Variants in RAP1GAP2 observed in about 807,000 individuals in gnomAD.
RAP1GAP2 encodes the protein rap1 GTPase-activating protein 2.
In RAP1GAP2, 27 loss-of-function variants were observed where a neutral mutation model predicts 95.0. The observed-to-expected ratio is 0.28, with a 90% CI of 0.21 to 0.39. The LOEUF (loss-of-function observed/expected upper bound fraction) is 0.39. Ranked by LOEUF, RAP1GAP2 falls within the 10% of genes least tolerant of loss-of-function variation. The pLI is 1.00. For missense variants in RAP1GAP2, 771 were observed against 970.0 expected, an observed-to-expected ratio of 0.79 and a Z score of 2.72; for synonymous variants, 373 against 380.9, an observed-to-expected ratio of 0.98 and a Z score of 0.24.
intron 8 of RAP1GAP2, among the ~76,000 whole-genome samples, chr17:2,970,555 A>G (rs1410143516): frequency 2.0e-5 from 3 of 152,280 alleles, no homozygotes; most frequent in Admixed American, 2.0e-4. Context: ...AGTAGAATGT[A>G]TTGTCAAACA....
chr17:2,889,378 G>A (rs2073610010), intron 2 of RAP1GAP2, among the ~76,000 whole-genome samples: 1 of 152,160 alleles, frequency 6.6e-6, no homozygotes, highest in South Asian at 2.1e-4. Context: ...GCTGGGGCAG[G>A]CCAGTGGTCA....
rs142061001 is a variant in RAP1GAP2 at position 3,011,333 on chromosome 17, G to A, written c.1494+3188G>A. ...TCCCAAGCATGGAGGCCTGAGCTGG[G>A]GACAGGCCAGGCTCAGCCGAATGGA... is the stretch of plus-strand genomic sequence containing the variant. On this transcript the variant is annotated intron_variant, in intron 17 of 24. Coordinates refer to ENST00000254695, the MANE Select transcript of RAP1GAP2 (RefSeq NM_015085.5). Among the ~76,000 whole-genome samples the A allele has an allele frequency of 2.6e-3, 390 of 152,330 alleles. 2 individuals carry two copies. The highest frequency in any genetic ancestry group is 8.9e-3 in the African/African-American group (369 of 41,580).
chr17:2,874,239 C>T (rs548968856), intron 2 of RAP1GAP2, among the ~76,000 whole-genome samples: 36 of 152,304 alleles, frequency 2.4e-4, no homozygotes, highest in African/African-American at 8.2e-4. Context: ...TGGGTACACC[C>T]TCCCTCCCCT....
intron 3 of RAP1GAP2, among the ~76,000 whole-genome samples, chr17:2,945,366 C>G (rs2043664074): frequency 6.6e-6 from 1 of 152,094 alleles, no homozygotes. Flanking sequence ...TTTATCAGCT[C>G]TAGTAGATTT....
chr17:2,870,625 AC>A lies in RAP1GAP2; in HGVS notation c.81-34658del, dbSNP rs1597474986. 6.6e-6 allele frequency among the ~76,000 whole-genome samples: 1 copy of A among 152,168 alleles called. No homozygotes were observed. Among genetic ancestry groups the A allele is most frequent in the African/African-American group, 2.4e-5 (1 of 41,442 alleles). On this transcript the variant is annotated intron_variant, in intron 2 of 24. Coordinates refer to ENST00000254695, the MANE Select transcript of RAP1GAP2 (RefSeq NM_015085.5). The surrounding 1 kb of genome is among the most constrained non-coding windows in gnomAD (Gnocchi z 4.4). Reference sequence around the variant, plus strand: ...GCACACCCTTTCACGTAATATACTTACATCTGCATCTACGTCTGTTTCTCTG... The same window carrying A: ...GCACACCCTTTCACGTAATATACTTAATCTGCATCTACGTCTGTTTCTCTG...
intron 18 of RAP1GAP2, 115 bp from the exon 19 acceptor site, chr17:3,020,362 T>TA (rs1423336383): frequency 1.3e-6 from 1 of 775,340 alleles, no homozygotes; most frequent in Non-Finnish European, 2.2e-6. Flanking sequence ...GCTGTCTTGC[T>TA]ATTTTCTGGG....
intron 3 of RAP1GAP2, among the ~76,000 whole-genome samples, chr17:2,951,912 T>C (rs558725481): frequency 6.6e-6 from 1 of 152,126 alleles, no homozygotes; most frequent in Non-Finnish European, 1.5e-5. Flanking sequence ...TGGGCGCCTG[T>C]AGTCCCAGGT....
intron 2 of RAP1GAP2, among the ~76,000 whole-genome samples, chr17:2,838,386 C>T (rs184457604): frequency 2.6e-5 from 4 of 152,082 alleles, no homozygotes; most frequent in Non-Finnish European, 4.4e-5. Context: ...AGGCAGCTGG[C>T]GACATGCTGA....
At chr17:2,805,022 G>A (rs1008651048) in intron 2 of RAP1GAP2, among the ~76,000 whole-genome samples, 1 of 152,304 alleles carries the variant, frequency 6.6e-6, no homozygotes, top group Non-Finnish European at 1.5e-5. Context: ...ATGCATGGCT[G>A]TGTGAATGGA....
chr17:3,028,513 C>A (rs764789200), intron 22 of RAP1GAP2, among the ~76,000 whole-genome samples: 1 of 152,178 alleles, frequency 6.6e-6, no homozygotes, highest in Non-Finnish European at 1.5e-5. Flanking sequence ...GAAGGGCCAA[C>A]AGGCCTTCAG....
intron 2 of RAP1GAP2, among the ~76,000 whole-genome samples, chr17:2,881,893 T>C (rs1191605620): frequency 1.3e-5 from 2 of 152,208 alleles, no homozygotes; most frequent in African/African-American, 4.8e-5. Context: ...CAATCTCGGC[T>C]CACTGCAACC....
chr17:2,811,703 G>A (rs1351723299), intron 2 of RAP1GAP2, among the ~76,000 whole-genome samples: 2 of 152,044 alleles, frequency 1.3e-5, no homozygotes, highest in Admixed American at 6.6e-5. Context: ...TCAGTCTCCC[G>A]AGTAGCTGGG....
intron 23 of RAP1GAP2, among the ~76,000 whole-genome samples, 178 bp from the exon 24 acceptor site, chr17:3,032,233 C>A (rs1457988683): frequency 6.6e-6 from 1 of 151,852 alleles, no homozygotes; most frequent in African/African-American, 2.4e-5. Flanking sequence ...CCTTTCTGAG[C>A]TCGCCAGACT....
chr17:3,026,049 A>T lies in RAP1GAP2; in HGVS notation c.1793A>T (p.His598Leu), dbSNP rs1225625644. ...ACACCCAAGACCCCAGATGGTGGAC[A>T]CTCCTCTCAGGAGATAAAGTCTGAG... ...SSTPKTPDGG[H>L]SSQEIKSETS... The change falls in exon 20 of 25, where the codon CAC becomes CTC. Residue 598 changes from histidine to leucine, a missense_variant. By Grantham distance (99) the His-to-Leu change is moderately conservative. Coordinates refer to ENST00000254695, the MANE Select transcript of RAP1GAP2 (RefSeq NM_015085.5). 1.9e-6 allele frequency: 3 copies of T among 1,613,512 alleles called. No individual in the cohort carries two copies. Among genetic ancestry groups the T allele is most frequent in the South Asian group, 2.2e-5 (2 of 91,042 alleles).
Position 2,824,048 on chromosome 17 carries a change from G to A in RAP1GAP2, c.80+23498G>A, listed in dbSNP as rs1375701411. Among the ~76,000 whole-genome samples the A allele has an allele frequency of 2.0e-4, 30 of 150,700 alleles. 1 individual carries two copies. Among genetic ancestry groups the A allele is most frequent in the Admixed American group, 6.6e-5 (1 of 15,046 alleles). ...TGAGGCAGGAGAATGGCGTGAACCC[G>A]GGAGGCAGAGCTTGCAGTGAGCTGA... On this transcript the variant is annotated intron_variant, in intron 2 of 24. Coordinates refer to ENST00000254695, the MANE Select transcript of RAP1GAP2 (RefSeq NM_015085.5).
In RAP1GAP2 at chr17:3,030,999, G is replaced by A. The variant is rs781148260; in HGVS notation, c.2184+1G>A. The A allele has an allele frequency of 6.3e-7, 1 of 1,599,776 alleles. No homozygotes were observed. The highest frequency in any genetic ancestry group is 1.1e-5 in the South Asian group (1 of 88,946). On this transcript the variant is annotated splice_donor_variant, in intron 23 of 24. Coordinates refer to ENST00000254695, the MANE Select transcript of RAP1GAP2 (RefSeq NM_015085.5). LOFTEE classifies it high-confidence loss of function. ...GCTCAGCCATGCCAGCTCTGGTGCG[G>A]TAAGGATGCGCCTCCCACACCCCAC...
intron 3 of RAP1GAP2, among the ~76,000 whole-genome samples, chr17:2,924,848 A>G (rs2042900931): frequency 6.6e-6 from 1 of 152,182 alleles, no homozygotes; most frequent in Non-Finnish European, 1.5e-5. Flanking sequence ...CCTTCGCCAG[A>G]TGACCTGTGG....
chr17:2,880,388 A>G (rs1421817924), intron 2 of RAP1GAP2, among the ~76,000 whole-genome samples: 1 of 150,322 alleles, frequency 6.7e-6, no homozygotes, highest in East Asian at 1.9e-4. Context: ...TTTGAGCCAC[A>G]TGGTCATGGG....
intron 4 of RAP1GAP2, among the ~76,000 whole-genome samples, chr17:2,960,516 G>T (rs2044276775): frequency 6.6e-6 from 1 of 152,246 alleles, no homozygotes; most frequent in South Asian, 2.1e-4. Context: ...GAGGCTGCAT[G>T]TCAATCCACC....
Sources: gnomAD v4.1 joint callset for allele counts (sites outside exome capture counted in the v4.1 genomes callset) on GRCh38, gnomAD v4.1.1 for gene constraint, Gnocchi (gnomAD v3.1) non-coding constraint, MANE v1.5 for transcripts, NCBI Gene and HGNC (gene_info 2026-07-23, HGNC 2026-07-21) for gene names.